The following RHPN2 variants were observed in gnomAD, a reference collection of about 807,000 sequenced individuals.
RHPN2 encodes rhophilin Rho GTPase binding protein 2.
RHPN2 carries 40 observed loss-of-function variants against 79.0 expected under a neutral mutation model. That is an observed-to-expected ratio of 0.51 (90% CI 0.39 to 0.66). The LOEUF (loss-of-function observed/expected upper bound fraction) is 0.66. RHPN2 is among the 30% of genes least tolerant of loss of function. The pLI is 0.00. For missense variants in RHPN2, 686 were observed against 883.5 expected (o/e 0.78, Z 2.83); for synonymous variants, 285 against 363.5 (o/e 0.78, Z 2.46).
chr19:32,983,353 A>C (rs1200882800), intron 14 of RHPN2, among the ~76,000 whole-genome samples: 3 of 151,982 alleles, frequency 2.0e-5, no homozygotes, highest in African/African-American at 7.2e-5. Context: ...TCTACTAAAA[A>C]TACAAAAAAT....
chr19:32,989,478 C>T (rs956877291), intron 14 of RHPN2, among the ~76,000 whole-genome samples: 4 of 152,186 alleles, frequency 2.6e-5, no homozygotes, highest in Admixed American at 6.5e-5. Context: ...TCCCAAATCT[C>T]CCAGGACATG....
chr19:32,980,545 C>T (rs1039208829), intron 14 of RHPN2, among the ~76,000 whole-genome samples: 2 of 152,114 alleles, frequency 1.3e-5, no homozygotes, highest in Non-Finnish European at 2.9e-5. Context: ...GTGGAGGTTG[C>T]AGTGAGCTGA....
At chr19:33,032,886 G>A (rs1212665115) in intron 2 of RHPN2, among the ~76,000 whole-genome samples, 3 of 152,074 alleles carry the variant, frequency 2.0e-5, no homozygotes, top group African/African-American at 4.8e-5. Flanking sequence ...ACAAACCATG[G>A]CTCACATTTC....
intron 7 of RHPN2, among the ~76,000 whole-genome samples, chr19:33,003,230 C>T (rs1307596239): frequency 2.6e-5 from 4 of 151,428 alleles, no homozygotes; most frequent in Non-Finnish European, 4.4e-5. Context: ...TGATGGTGTG[C>T]GACTATAGTC....
chr19:32,988,225 AAAAC>A (rs1040332430), intron 14 of RHPN2, among the ~76,000 whole-genome samples: 27 of 95,364 alleles, frequency 2.8e-4, no homozygotes, highest in South Asian at 2.3e-3. Flanking sequence ...AAAAAAAAAC[AAAAC>A]AAACAAAACA....
At chr19:33,041,877 C>T (rs1177161742) in intron 2 of RHPN2, among the ~76,000 whole-genome samples, 2 of 152,142 alleles carry the variant, frequency 1.3e-5, no homozygotes, top group Non-Finnish European at 1.5e-5. Flanking sequence ...CTCAACTGTG[C>T]CTGCCACTTA....
intron 13 of RHPN2, among the ~76,000 whole-genome samples, chr19:32,991,588 C>T (rs962371440): frequency 1.3e-5 from 2 of 152,174 alleles, no homozygotes; most frequent in Admixed American, 6.6e-5. Flanking sequence ...GCCCTGAGAT[C>T]GCGCCACTGC....
intron 3 of RHPN2, among the ~76,000 whole-genome samples, chr19:33,023,583 C>A (rs940387381): frequency 6.6e-6 from 1 of 151,360 alleles, no homozygotes; most frequent in African/African-American, 2.4e-5. Flanking sequence ...GTCAGGAGAT[C>A]GAGACCATCC....
chr19:33,059,229 C>T (rs1972259325), intron 1 of RHPN2, among the ~76,000 whole-genome samples: 1 of 152,090 alleles, frequency 6.6e-6, no homozygotes, highest in South Asian at 2.1e-4. Context: ...GGGCCCCATC[C>T]CCAGCTCACC....
intron 1 of RHPN2, among the ~76,000 whole-genome samples, chr19:33,046,251 T>C (rs1972141994): frequency 6.6e-6 from 1 of 152,142 alleles, no homozygotes; most frequent in Non-Finnish European, 1.5e-5. Flanking sequence ...GGTGGTTTTT[T>C]TGTTTTGTTT....
At chr19:32,981,479 G>C (rs1428972700) in intron 14 of RHPN2, among the ~76,000 whole-genome samples, 1 of 139,214 alleles carries the variant, frequency 7.2e-6, no homozygotes, top group Non-Finnish European at 1.5e-5. Context: ...AAAGGGAAGA[G>C]GAGAAGGGAA....
At chr19:33,042,515 AT>A (rs1216592668) in intron 2 of RHPN2, among the ~76,000 whole-genome samples, 2 of 152,142 alleles carry the variant, frequency 1.3e-5, no homozygotes, top group Non-Finnish European at 1.5e-5. Flanking sequence ...ACGCTACAGT[AT>A]TTTTCCCAGC....
chr19:32,983,233 C>T (rs564838407), intron 14 of RHPN2, among the ~76,000 whole-genome samples: 158 of 152,064 alleles, frequency 1.0e-3, no homozygotes, highest in African/African-American at 3.2e-3. Flanking sequence ...CCTTTCTTGG[C>T]GGGGCGTGGT....
intron 2 of RHPN2, among the ~76,000 whole-genome samples, chr19:33,039,139 A>C (rs1972080603): frequency 1.3e-5 from 2 of 152,150 alleles, no homozygotes; most frequent in African/African-American, 2.4e-5. Context: ...GCCTTAGTCC[A>C]TCTGATCCCA....
intron 4 of RHPN2, among the ~76,000 whole-genome samples, chr19:33,017,473 A>T (rs911936194): frequency 6.6e-6 from 1 of 152,142 alleles, no homozygotes; most frequent in African/African-American, 2.4e-5. Context: ...ACATTTCTAG[A>T]CATGTGGATT....
intron 1 of RHPN2, among the ~76,000 whole-genome samples, chr19:33,049,496 C>T (rs1471944299): frequency 6.6e-6 from 1 of 152,210 alleles, no homozygotes; most frequent in African/African-American, 2.4e-5. Flanking sequence ...GGCTAAACCT[C>T]TCACACCTGT....
At chr19:32,988,903 T>TG (rs1261539977) in intron 14 of RHPN2, among the ~76,000 whole-genome samples, 1 of 152,184 alleles carries the variant, frequency 6.6e-6, no homozygotes, top group African/African-American at 2.4e-5. Context: ...CCAGCTTCGC[T>TG]GGGGGGCAGG....
At chr19:32,987,553 T>A (rs1003575611) in intron 14 of RHPN2, among the ~76,000 whole-genome samples, 1 of 152,188 alleles carries the variant, frequency 6.6e-6, no homozygotes, top group African/African-American at 2.4e-5. Context: ...CTTTCTCCTC[T>A]TAATTTGAGA....
chr19:33,048,746 C>T (rs1476631519), intron 1 of RHPN2, among the ~76,000 whole-genome samples: 4 of 91,332 alleles, frequency 4.4e-5, no homozygotes, highest in East Asian at 7.7e-4. Flanking sequence ...AAAAAAAAAA[C>T]TTTAATGTTA....
Sources: allele counts gnomAD v4.1 joint callset (sites outside exome capture counted in the v4.1 genomes callset), GRCh38; gene constraint gnomAD v4.1.1; transcripts MANE v1.5; gene names NCBI Gene and HGNC (gene_info 2026-07-23, HGNC 2026-07-21).